The following NOL4 variants were observed in gnomAD, a reference collection of about 807,000 sequenced individuals.
NOL4 encodes cancer/testis antigen 125.
Under a neutral mutation model 75.9 loss-of-function variants are expected in NOL4, and 17 were observed. That is an observed-to-expected ratio of 0.22 (90% CI 0.15 to 0.34). The LOEUF is 0.34. Ranked by LOEUF, NOL4 falls within the 10% of genes least tolerant of loss-of-function variation. The probability of loss-of-function intolerance (pLI) is 1.00; values close to 1 mark genes in which losing one functional copy is unlikely to be tolerated. For synonymous variants in NOL4, 292 were observed against 289.9 expected (o/e 1.01, Z -0.07); for missense variants, 614 against 793.5 (o/e 0.77, Z 2.72).
chr18:34,159,149 G>A (rs963858263), intron 1 of NOL4, among the ~76,000 whole-genome samples: 6 of 152,170 alleles, frequency 3.9e-5, no homozygotes, highest in South Asian at 2.1e-4. Flanking sequence ...AACGCTGGAG[G>A]GGGTGGCAGG....
chr18:33,973,048 G>C (rs2071207432), intron 6 of NOL4, among the ~76,000 whole-genome samples: 1 of 152,134 alleles, frequency 6.6e-6, no homozygotes, highest in Non-Finnish European at 1.5e-5. Flanking sequence ...TTGTTTGATA[G>C]CATTTTACCC....
intron 2 of NOL4, among the ~76,000 whole-genome samples, chr18:34,107,990 A>G (rs957321978): frequency 2.0e-5 from 3 of 152,178 alleles, no homozygotes; most frequent in African/African-American, 7.2e-5. Flanking sequence ...ATGCAGCACA[A>G]CTTGGAGAAA....
chr18:34,024,304 C>T (rs1034052434), intron 5 of NOL4, among the ~76,000 whole-genome samples: 2 of 148,994 alleles, frequency 1.3e-5, no homozygotes, highest in Non-Finnish European at 3.0e-5. Flanking sequence ...TTATTGTTTT[C>T]CCCAAATTCA....
chr18:33,990,262 C>T (rs1423346632), intron 6 of NOL4, among the ~76,000 whole-genome samples: 1 of 152,036 alleles, frequency 6.6e-6, no homozygotes, highest in East Asian at 1.9e-4. Context: ...CAGATCATAA[C>T]TGGTCACTAC....
chr18:34,186,056 C>A (rs2034440198), intron 1 of NOL4, among the ~76,000 whole-genome samples: 2 of 152,040 alleles, frequency 1.3e-5, no homozygotes, highest in Admixed American at 1.3e-4. Flanking sequence ...ATCTTTAGTT[C>A]TGAAATACAT....
chr18:34,106,181 A>G (rs1802511845), intron 2 of NOL4, among the ~76,000 whole-genome samples: 1 of 152,104 alleles, frequency 6.6e-6, no homozygotes, highest in African/African-American at 2.4e-5. Context: ...ATTTTAAATT[A>G]GTAAAAATGA....
intron 1 of NOL4, among the ~76,000 whole-genome samples, chr18:34,196,067 T>C (rs1005788188): frequency 6.6e-6 from 1 of 152,162 alleles, no homozygotes; most frequent in African/African-American, 2.4e-5. Flanking sequence ...AAGATGATTA[T>C]GTATACCTGC....
At chr18:34,194,119 A>G (rs980413303) in intron 1 of NOL4, among the ~76,000 whole-genome samples, 32 of 152,164 alleles carry the variant, frequency 2.1e-4, no homozygotes, top group Non-Finnish European at 7.4e-5. Flanking sequence ...ACAAAATTTC[A>G]CTTAGGAGGA....
At position 34,208,305 on chromosome 18, in the gene NOL4, G is replaced by A. The variant is rs151237664; in HGVS notation, c.264+14685C>T. On this transcript the variant is annotated intron_variant, in intron 1 of 10. Coordinates refer to ENST00000261592, the MANE Select transcript of NOL4 (RefSeq NM_003787.5). Reference sequence around the variant, plus strand: ...GTTCATAGTGAGCTTAACCAGCACTGGAACCCTATGGTAGTTTTCTAGAAA... The same window carrying A: ...GTTCATAGTGAGCTTAACCAGCACTAGAACCCTATGGTAGTTTTCTAGAAA... Among the ~76,000 whole-genome samples, 112 of 152,176 alleles carry A rather than the reference G, an allele frequency of 7.4e-4. 1 individual carries two copies. In the East Asian group the frequency reaches 0.013, roughly 18 times the overall value.
At chr18:34,047,162 TA>T (rs529826642) in intron 5 of NOL4, among the ~76,000 whole-genome samples, 313 of 152,258 alleles carry the variant, frequency 2.1e-3, no homozygotes, top group South Asian at 0.011. Flanking sequence ...CTTCTAGCAT[TA>T]AGTTTCAGGG....
intron 5 of NOL4, among the ~76,000 whole-genome samples, chr18:34,032,224 T>G (rs1315137260): frequency 6.6e-6 from 1 of 152,208 alleles, no homozygotes; most frequent in African/African-American, 2.4e-5. Context: ...GCCACCAGGC[T>G]AGGCTGCTGC....
chr18:33,936,020 A>C (rs1393047710), intron 9 of NOL4, among the ~76,000 whole-genome samples: 1 of 152,164 alleles, frequency 6.6e-6, no homozygotes, highest in African/African-American at 2.4e-5. Flanking sequence ...AACCCTATTG[A>C]ATGGTGTTGC....
chr18:34,012,501 G>A (rs890303869), intron 6 of NOL4, among the ~76,000 whole-genome samples: 33 of 151,716 alleles, frequency 2.2e-4, no homozygotes, highest in African/African-American at 7.3e-4. Flanking sequence ...CTATTTATAT[G>A]TGTGTGTGTT....
chr18:34,049,086 A>G (rs1472662659), intron 5 of NOL4, among the ~76,000 whole-genome samples: 2 of 140,954 alleles, frequency 1.4e-5, no homozygotes, highest in African/African-American at 5.1e-5. Flanking sequence ...ACACACACAC[A>G]CACACACACA....
At chr18:34,125,010 T>A (rs1235907446) in intron 2 of NOL4, among the ~76,000 whole-genome samples, 1 of 152,106 alleles carries the variant, frequency 6.6e-6, no homozygotes, top group East Asian at 1.9e-4. Flanking sequence ...TGACTTAAGT[T>A]AAATTTAGCT....
intron 1 of NOL4, among the ~76,000 whole-genome samples, chr18:34,158,881 A>G (rs1043118199): frequency 6.6e-6 from 1 of 152,180 alleles, no homozygotes; most frequent in Non-Finnish European, 1.5e-5. Context: ...CCTCTAGACC[A>G]TTTACTCTGG....
At chr18:34,124,332 G>C (rs2080285539) in intron 2 of NOL4, among the ~76,000 whole-genome samples, 1 of 152,030 alleles carries the variant, frequency 6.6e-6, no homozygotes, top group African/African-American at 2.4e-5. Context: ...CAAACACACA[G>C]TATTTTTATA....
At chr18:34,068,197 G>C (rs2077362014) in intron 5 of NOL4, among the ~76,000 whole-genome samples, 1 of 152,064 alleles carries the variant, frequency 6.6e-6, no homozygotes, top group Non-Finnish European at 1.5e-5. Flanking sequence ...GGCTTTGCAG[G>C]GCTGGGGAAA....
At chr18:33,993,274 G>T (rs564674435) in intron 6 of NOL4, among the ~76,000 whole-genome samples, 1 of 152,050 alleles carries the variant, frequency 6.6e-6, no homozygotes, top group East Asian at 1.9e-4. Flanking sequence ...ACTAATAGCT[G>T]GGTGTGATTA....
Sources: gnomAD v4.1 joint callset for allele counts (sites outside exome capture counted in the v4.1 genomes callset) on GRCh38, gnomAD v4.1.1 for gene constraint, MANE v1.5 for transcripts, NCBI Gene and HGNC (gene_info 2026-07-23, HGNC 2026-07-21) for gene names.